Variants in TSHZ3 observed in about 807,000 individuals in gnomAD.
TSHZ3 encodes the protein teashirt homolog 3.
A neutral mutation model predicts 64.5 loss-of-function variants in TSHZ3; 10 were observed. The ratio of observed to expected loss-of-function variants is 0.16; its 90% confidence interval spans 0.10 to 0.26. The LOEUF (loss-of-function observed/expected upper bound fraction) is 0.26. Among genes scored for constraint, TSHZ3 ranks in the 10% least tolerant of loss-of-function variants. The probability of loss-of-function intolerance (pLI) is 1.00; values close to 1 mark genes in which losing one functional copy is unlikely to be tolerated. For missense variants in TSHZ3, 1,242 were observed against 1,421.7 expected (o/e 0.87, Z 2.03); for synonymous variants, 608 against 593.1 (o/e 1.03, Z -0.36).
chr19:31,280,354 T>C (rs1357734888), intron 1 of TSHZ3, among the ~76,000 whole-genome samples: 1 of 152,052 alleles, frequency 6.6e-6, no homozygotes. Flanking sequence ...TTTTTCTTTC[T>C]TCCTTCTGGA....
chr19:31,350,787 G>GGGAGCC (rs2021698967), upstream of TSHZ3, among the ~76,000 whole-genome samples: 1 of 148,108 alleles, frequency 6.8e-6, no homozygotes. Flanking sequence ...GCGGCTGAGC[G>GGGAGCC]GGAGCCGGAG....
intron 1 of TSHZ3, among the ~76,000 whole-genome samples, chr19:31,268,489 T>A (rs1455812491): frequency 3.9e-5 from 6 of 152,126 alleles, no homozygotes; most frequent in African/African-American, 1.4e-4. Flanking sequence ...GGGTGGATGC[T>A]CCGTGTTTCT....
At chr19:31,299,338 G>A (rs1408160177) in intron 1 of TSHZ3, among the ~76,000 whole-genome samples, 1 of 152,170 alleles carries the variant, frequency 6.6e-6, no homozygotes, top group Non-Finnish European at 1.5e-5. Context: ...TTGAAAAATG[G>A]GACAATATCA....
rs1477232047 is a variant in TSHZ3, at chr19:31,349,383, C to T, written c.-164G>A. 3.9e-6 allele frequency: 2 copies of T among 508,478 alleles called. No homozygotes were observed. Among genetic ancestry groups the T allele is most frequent in the South Asian group, 5.5e-5 (1 of 18,150 alleles). The allele number at this position is 508,478 out of a possible 1,614,324, so 31.5% of individuals were successfully genotyped here. A position where few individuals can be genotyped will look rare whatever the true frequency, so the allele number is the denominator to read the frequency against. ...GATGCTGCTGCGCCCAGGCTCTCCG[C>T]GTCCCCCCCGCGCCGCGCTCCGCCG... On this transcript the variant is annotated 5_prime_UTR_variant, in exon 1 of 2. Transcript: ENST00000240587.
intron 1 of TSHZ3, among the ~76,000 whole-genome samples, chr19:31,245,974 A>C (rs548851573): frequency 1.3e-5 from 2 of 152,338 alleles, no homozygotes; most frequent in African/African-American, 4.8e-5. Context: ...ATGGCTGGGC[A>C]TTCCTTTTAA....
rs191133929 is a variant in TSHZ3 at position 31,322,514 on chromosome 19, G to C, written c.40+26666C>G. 7.6e-3 allele frequency among the ~76,000 whole-genome samples: 1,160 copies of C among 152,208 alleles called. 14 individuals are homozygous for C. Among genetic ancestry groups the C allele is most frequent in the South Asian group, 0.024 (115 of 4,808 alleles). The stretch of plus-strand genomic sequence containing the variant: ...TAGCTTACTATAGGCATGAACTCCT[G>C]GGCTCAAGGGATTCTCCCATCTCAG... On this transcript the variant is annotated intron_variant, in intron 1 of 1. Coordinates refer to ENST00000240587, the MANE Select transcript of TSHZ3 (RefSeq NM_020856.4).
chr19:31,272,510 C>T (rs1356177572), downstream of TSHZ3, among the ~76,000 whole-genome samples: 1 of 152,142 alleles, frequency 6.6e-6, no homozygotes, highest in East Asian at 1.9e-4. Context: ...AGATTGGGTC[C>T]TCATCATAAC....
At chr19:31,282,612 A>G (rs1019922881) in intron 1 of TSHZ3, among the ~76,000 whole-genome samples, 1 of 152,110 alleles carries the variant, frequency 6.6e-6, no homozygotes, top group Non-Finnish European at 1.5e-5. Flanking sequence ...CCCCTCCCCA[A>G]CACATGCACC....
rs1917022875 is a variant in TSHZ3 at position 31,329,703 on chromosome 19, T to C, written c.40+19477A>G. On this transcript the variant is annotated intron_variant, in intron 1 of 1. Transcript: ENST00000240587. ...TTATTTATGGTGTCAAAGCTAAACC[T>C]GGGTACAGCACTTGGGAGTGGGGGT... 1.3e-5 allele frequency among the ~76,000 whole-genome samples: 2 copies of C among 152,250 alleles called. 1 individual carries two copies. Among genetic ancestry groups the C allele is most frequent in the South Asian group, 4.1e-4 (2 of 4,836 alleles).
At chr19:31,264,961 T>C (rs886755385) in intron 1 of TSHZ3, among the ~76,000 whole-genome samples, 1 of 152,072 alleles carries the variant, frequency 6.6e-6, no homozygotes, top group African/African-American at 2.4e-5. Flanking sequence ...GACTGTGGGG[T>C]AGGGGTCCCC....
upstream of TSHZ3, among the ~76,000 whole-genome samples, chr19:31,350,804 C>G (rs2021699959): frequency 6.8e-6 from 1 of 147,712 alleles, no homozygotes; most frequent in South Asian, 2.1e-4. Flanking sequence ...GGAGCCCGAG[C>G]GGCGCGGGCG....
chr19:31,247,569 G>A (rs1347635327), intron 1 of TSHZ3, among the ~76,000 whole-genome samples: 2 of 152,184 alleles, frequency 1.3e-5, no homozygotes, highest in Non-Finnish European at 2.9e-5. Context: ...AGGAGGCCAA[G>A]GAGAGATGAG....
At chr19:31,316,575 G>A (rs936640944) in intron 1 of TSHZ3, among the ~76,000 whole-genome samples, 2 of 152,166 alleles carry the variant, frequency 1.3e-5, no homozygotes, top group African/African-American at 4.8e-5. Context: ...GCCTGGGCTG[G>A]GGAAATAGTG....
intron 1 of TSHZ3, among the ~76,000 whole-genome samples, chr19:31,345,676 G>GT (rs1268062430): frequency 7.1e-6 from 1 of 141,088 alleles, no homozygotes; most frequent in Admixed American, 7.4e-5. Context: ...GTTTCTTTTT[G>GT]TTTTTTGTTT....
intron 5 of TSHZ3, among the ~76,000 whole-genome samples, chr19:31,204,335 T>C (rs1244921564): frequency 6.6e-6 from 1 of 151,200 alleles, no homozygotes; most frequent in Non-Finnish European, 1.5e-5. Context: ...TTTCTTTCCC[T>C]TTCCTCCTTC....
intron 4 of TSHZ3, among the ~76,000 whole-genome samples, chr19:31,212,631 G>T (rs563393546): frequency 4.6e-5 from 7 of 152,040 alleles, no homozygotes; most frequent in Non-Finnish European, 7.4e-5. Context: ...CTCTGTTACC[G>T]GAACTCTGAT....
In TSHZ3 at chr19:31,277,026, T is replaced by C. The variant is rs1244717110; in HGVS notation, c.2767A>G (p.Ile923Val). 2 of 1,611,552 alleles carry C rather than the reference T, an allele frequency of 1.2e-6. No individual in the cohort carries two copies. Among genetic ancestry groups the C allele is most frequent in the Admixed American group, 1.7e-5 (1 of 59,924 alleles). ...SLRQTSEGKY[I>V]MSDLSPQERM... is the part of the protein sequence containing the mutation. ...TCCTGGGGGCTCAGGTCTGACATGA[T>C]GTACTTCCCTTCTGAGGTCTGCCGG... is the stretch of plus-strand genomic sequence containing the variant. Residue 923 changes from isoleucine to valine, a missense_variant, in exon 2 of 2, where the codon ATC (isoleucine) becomes GTC (valine). Coordinates refer to ENST00000240587, the MANE Select transcript of TSHZ3 (RefSeq NM_020856.4). The surrounding 1 kb of genome is among the most constrained non-coding windows in gnomAD (Gnocchi z 4.5).
intron 5 of TSHZ3, among the ~76,000 whole-genome samples, chr19:31,176,993 C>T (rs532182266): frequency 1.1e-3 from 166 of 152,272 alleles, no homozygotes; most frequent in African/African-American, 3.8e-3. Context: ...TGTGTACCCT[C>T]CATCCTGGCA....
intron 1 of TSHZ3, among the ~76,000 whole-genome samples, chr19:31,245,807 G>A (rs1048097134): frequency 2.0e-5 from 3 of 152,160 alleles, no homozygotes; most frequent in Non-Finnish European, 4.4e-5. Flanking sequence ...TGCCCAAGAA[G>A]ACACTCAGCA....
Sources: gnomAD v4.1 joint callset for allele counts (sites outside exome capture counted in the v4.1 genomes callset) on GRCh38, gnomAD v4.1.1 for gene constraint, Gnocchi (gnomAD v3.1) non-coding constraint, MANE v1.5 for transcripts, NCBI Gene and HGNC (gene_info 2026-07-23, HGNC 2026-07-21) for gene names.